The following FHIT variants were observed in gnomAD, a reference collection of about 807,000 sequenced individuals.
FHIT encodes the protein fragile histidine triad diadenosine triphosphatase.
In FHIT, 19 loss-of-function variants were observed where a neutral mutation model predicts 17.9. The ratio of observed to expected loss-of-function variants is 1.06; its 90% CI spans 0.74 to 1.56. The LOEUF is 1.56. Among genes scored for constraint, FHIT ranks in the 40% most tolerant of loss-of-function variants. The probability of loss-of-function intolerance (pLI) is 0.00; values close to 1 mark genes in which losing one functional copy is unlikely to be tolerated. For missense variants in FHIT, 248 were observed against 189.2 expected (o/e 1.31, Z -1.82); for synonymous variants, 81 against 69.7 (o/e 1.16, Z -0.81).
At chr3:59,958,859 T>C (rs542205737) in intron 7 of FHIT, among the ~76,000 whole-genome samples, 38 of 148,926 alleles carry the variant, frequency 2.6e-4, no homozygotes, top group African/African-American at 9.4e-4. Flanking sequence ...AACTTTCTCC[T>C]CTTATATAAA....
chr3:60,920,743 GA>G (rs1219653058), intron 3 of FHIT, among the ~76,000 whole-genome samples: 1 of 151,990 alleles, frequency 6.6e-6, no homozygotes, highest in East Asian at 1.9e-4. Flanking sequence ...CATGTTTAAA[GA>G]ATTTAAATTA....
chr3:60,867,470 A>C (rs1704216462), intron 3 of FHIT, among the ~76,000 whole-genome samples: 1 of 152,210 alleles, frequency 6.6e-6, no homozygotes, highest in African/African-American at 2.4e-5. Flanking sequence ...TATGGCTGTG[A>C]GCTGAATTGA....
intron 3 of FHIT, among the ~76,000 whole-genome samples, chr3:60,976,096 C>CTTTTTCTTTT (rs1424446334): frequency 1.5e-5 from 1 of 66,790 alleles, no homozygotes; most frequent in African/African-American, 6.6e-5. Context: ...TTTTCTTTTT[C>CTTTTTCTTTT]TTTTTTTTTT....
chr3:60,220,668 G>C (rs1576327670), intron 5 of FHIT, among the ~76,000 whole-genome samples: 1 of 152,030 alleles, frequency 6.6e-6, no homozygotes, highest in East Asian at 1.9e-4. Context: ...TGTGTTGATG[G>C]TTTGGCTAAA....
At chr3:60,205,182 G>A (rs375993021) in intron 5 of FHIT, among the ~76,000 whole-genome samples, 3 of 151,924 alleles carry the variant, frequency 2.0e-5, no homozygotes, top group East Asian at 3.9e-4. Context: ...AGCAGAAAAT[G>A]TTTTAAAATT....
chr3:60,618,661 C>T lies in FHIT; in HGVS notation c.-17-81682G>A, dbSNP rs146237108. Among the ~76,000 whole-genome samples the T allele has an allele frequency of 4.1e-4, 62 of 152,150 alleles. 1 individual carries two copies. The highest frequency in any genetic ancestry group is 1.2e-3 in the African/African-American group (50 of 41,518). ...TCAACGTTTTAATTTGAAGAAGCTG[C>T]GAATATGTTATGCAAAAAGATTTTG... On this transcript the variant is annotated intron_variant, in intron 4 of 9. Transcript: ENST00000492590.
At chr3:60,990,061 A>G (rs909417265) in intron 3 of FHIT, among the ~76,000 whole-genome samples, 2 of 152,130 alleles carry the variant, frequency 1.3e-5, no homozygotes, top group African/African-American at 4.8e-5. Flanking sequence ...CACAGGGTAC[A>G]ACAGTCCCAG....
intron 5 of FHIT, among the ~76,000 whole-genome samples, chr3:60,418,376 G>GTGTA (rs1702334322): frequency 1.3e-4 from 2 of 14,916 alleles, no homozygotes; most frequent in African/African-American, 4.2e-4. Context: ...CTGAATGTGT[G>GTGTA]TATATATATA....
At chr3:60,659,032 A>G (rs550526164) in intron 4 of FHIT, among the ~76,000 whole-genome samples, 1 of 148,356 alleles carries the variant, frequency 6.7e-6, no homozygotes, top group African/African-American at 2.5e-5. Context: ...TGCTGAATGT[A>G]GGATTCTTGG....
chr3:60,571,981 T>C lies in FHIT; in HGVS notation c.-17-35002A>G, dbSNP rs1413301568. ...TGGTCATTGCTTTTTATTTATAAAATGACGGCTTGGATCAAGGTAGTGTTT... is the reference window on the plus strand; with the variant it reads ...TGGTCATTGCTTTTTATTTATAAAACGACGGCTTGGATCAAGGTAGTGTTT... On this transcript the variant is annotated intron_variant, in intron 4 of 9. Transcript: ENST00000492590. Among the ~76,000 whole-genome samples, 7 of 152,214 alleles carry C rather than the reference T, an allele frequency of 4.6e-5. No homozygotes were observed. In the East Asian group the frequency reaches 1.3e-3, roughly 29 times the overall value.
chr3:61,251,051 C>A (rs1560112733), intron 1 of FHIT, among the ~76,000 whole-genome samples: 2 of 152,224 alleles, frequency 1.3e-5, no homozygotes, highest in African/African-American at 4.8e-5. Context: ...CCCCGTGCCT[C>A]AGTTTCCCCA....
chr3:60,841,402 A>G (rs1034465341), intron 3 of FHIT, among the ~76,000 whole-genome samples: 1 of 152,252 alleles, frequency 6.6e-6, no homozygotes, highest in Non-Finnish European at 1.5e-5. Flanking sequence ...GGATTCTAAA[A>G]TCATCTGTAG....
chr3:60,339,200 T>TGG (rs903617388), intron 5 of FHIT, among the ~76,000 whole-genome samples: 1 of 152,200 alleles, frequency 6.6e-6, no homozygotes, highest in Non-Finnish European at 1.5e-5. Context: ...ATATTTTCTT[T>TGG]GGATGTCAAT....
chr3:59,839,162 C>CA (rs199794885), intron 8 of FHIT, among the ~76,000 whole-genome samples: 413 of 151,516 alleles, frequency 2.7e-3, no homozygotes, highest in African/African-American at 9.3e-3. Flanking sequence ...ACTAAAAATG[C>CA]AAAAAAATAG....
At chr3:60,141,306 A>G (rs1481214693) in intron 5 of FHIT, among the ~76,000 whole-genome samples, 1 of 152,082 alleles carries the variant, frequency 6.6e-6, no homozygotes, top group African/African-American at 2.4e-5. Context: ...AATTGTTCTG[A>G]AAGAAAACTG....
At chr3:60,078,678 G>C (rs897991168) in intron 5 of FHIT, among the ~76,000 whole-genome samples, 18 of 152,042 alleles carry the variant, frequency 1.2e-4, no homozygotes, top group African/African-American at 4.3e-4. Flanking sequence ...GTTTTTCTAA[G>C]AAAATGTCTT....
chr3:60,910,344 G>C (rs377532424), intron 3 of FHIT, among the ~76,000 whole-genome samples: 2 of 152,062 alleles, frequency 1.3e-5, no homozygotes, highest in African/African-American at 4.8e-5. Context: ...AGGACTGTGA[G>C]GGGGGTGAGA....
intron 3 of FHIT, among the ~76,000 whole-genome samples, chr3:60,997,567 C>T (rs1168963487): frequency 6.6e-6 from 1 of 152,072 alleles, no homozygotes; most frequent in Non-Finnish European, 1.5e-5. Context: ...CTCTAGTTTG[C>T]CAGTGTTCCC....
intron 7 of FHIT, among the ~76,000 whole-genome samples, chr3:60,009,121 T>C (rs375112867): frequency 3.3e-5 from 5 of 151,138 alleles, no homozygotes; most frequent in African/African-American, 1.2e-4. Flanking sequence ...GGATACTTTG[T>C]CTAAAAGGAC....
Sources: allele counts gnomAD v4.1 joint callset (sites outside exome capture counted in the v4.1 genomes callset), GRCh38; gene constraint gnomAD v4.1.1; transcripts MANE v1.5; gene names NCBI Gene and HGNC (gene_info 2026-07-23, HGNC 2026-07-21).